Variants in RUSC2 observed in about 807,000 individuals in gnomAD.
The protein encoded by RUSC2 is RUN and SH3 domain containing 2, also known as AP-4 complex accessory subunit RUSC2.
A neutral mutation model predicts 122.2 loss-of-function variants in RUSC2; 34 were observed. That is an observed-to-expected ratio of 0.28 (90% CI 0.21 to 0.37). The LOEUF (loss-of-function observed/expected upper bound fraction) is 0.37, where lower values mean the gene tolerates loss of function less well. Among genes scored for constraint, RUSC2 ranks in the 10% least tolerant of loss-of-function variants. RUSC2 has a pLI of 1.00. For missense variants in RUSC2, 1,747 were observed against 1,952.4 expected (o/e 0.89, Z 1.98); for synonymous variants, 784 against 790.0 (o/e 0.99, Z 0.13).
In RUSC2 at chr9:35,546,900, A is replaced by C; in HGVS notation, c.379A>C (p.Thr127Pro). The C allele has an allele frequency of 6.3e-7, 1 of 1,583,106 alleles. No individual in the cohort carries two copies. The highest frequency in any genetic ancestry group is 8.6e-7 in the Non-Finnish European group (1 of 1,164,676). Reference protein sequence around the residue: ...LYDDSIGDSATQQSFHLHGTG... With the variant: ...LYDDSIGDSAPQQSFHLHGTG... ...TGATGACAGCATTGGTGACAGTGCC[A>C]CCCAGCAGTCCTTCCACCTGCATGG... The change falls in exon 2 of 12, where the codon ACC becomes CCC. Residue 127 changes from threonine (T) to proline (P), a missense_variant. Physicochemically the swap from Thr to Pro is conservative, Grantham distance 38 (BLOSUM62 -1). Transcript: ENST00000361226. The surrounding 1 kb of genome is among the most constrained non-coding windows in gnomAD (Gnocchi z 4.3).
At chr9:35,498,466 G>A (rs1480276042) in intron 1 of RUSC2, among the ~76,000 whole-genome samples, 2 of 152,060 alleles carry the variant, frequency 1.3e-5, no homozygotes, top group African/African-American at 4.8e-5. Context: ...TTGACCCCGG[G>A]AGGCAGAGGT....
rs767902848 is a variant in RUSC2 at position 35,555,011 on chromosome 9, T to C, written c.2015-49T>C. On this transcript the variant is annotated intron_variant, in intron 2 of 11. Transcript: ENST00000361226. The surrounding 1 kb of genome is among the most constrained non-coding windows in gnomAD (Gnocchi z 4.6). The stretch of plus-strand genomic sequence containing the variant: ...CTCTGCTTCTGGGTTTTCTCTCATA[T>C]GGGTTTCAGTGTCTGTCTACTGATT... 1.3e-6 allele frequency: 2 copies of C among 1,598,958 alleles called. No homozygotes were observed. The highest frequency in any genetic ancestry group is 1.3e-5 in the African/African-American group (1 of 74,516).
chr9:35,509,922 A>G (rs1820983010), intron 1 of RUSC2, among the ~76,000 whole-genome samples: 1 of 152,216 alleles, frequency 6.6e-6, no homozygotes, highest in South Asian at 2.1e-4. Context: ...CAGCTGCTAC[A>G]GAATTAGTCC....
chr9:35,530,446 T>C (rs1012723866), intron 1 of RUSC2, among the ~76,000 whole-genome samples: 2 of 152,082 alleles, frequency 1.3e-5, no homozygotes, highest in Admixed American at 1.3e-4. Context: ...AGGAGAAGGA[T>C]TTCCATGATA....
intron 9 of RUSC2, among the ~76,000 whole-genome samples, chr9:35,559,591 C>T (rs1011283700): frequency 1.6e-4 from 24 of 152,228 alleles, no homozygotes; most frequent in African/African-American, 5.1e-4. Flanking sequence ...AAAAATTAGC[C>T]GGCTGTGGTG....
At chr9:35,534,217 A>G (rs929028604) in intron 1 of RUSC2, among the ~76,000 whole-genome samples, 1 of 152,138 alleles carries the variant, frequency 6.6e-6, no homozygotes, top group African/African-American at 2.4e-5. Context: ...AATGATGTTA[A>G]GCATTTGTTT....
Position 35,560,221 on chromosome 9 carries a change from T to C in RUSC2, c.3581T>C (p.Val1194Ala), listed in dbSNP as rs1229373128. The C allele has an allele frequency of 3.1e-6, 5 of 1,604,050 alleles. No individual in the cohort carries two copies. Among genetic ancestry groups the C allele is most frequent in the Non-Finnish European group, 4.2e-6 (5 of 1,179,088 alleles). Residue 1194 changes from valine to alanine, a missense_variant, in exon 10 of 12, where the codon GTG becomes GCG. Coordinates refer to ENST00000361226, the MANE Select transcript of RUSC2 (RefSeq NM_014806.5). ...QQRQHKELLR[V>A]SQDLLLSAHS... ...CGGCAGCACAAGGAACTGCTGCGGG[T>C]GTCCCAGGACCTGCTGCTGTCTGCC...
At chr9:35,551,605 A>G (rs1338846663) in intron 2 of RUSC2, among the ~76,000 whole-genome samples, 3 of 152,220 alleles carry the variant, frequency 2.0e-5, no homozygotes, top group Non-Finnish European at 4.4e-5. Flanking sequence ...TTTCTCTATC[A>G]GATTAAGACA....
At chr9:35,513,995 A>T (rs1256968334) in intron 1 of RUSC2, among the ~76,000 whole-genome samples, 3 of 149,294 alleles carry the variant, frequency 2.0e-5, no homozygotes, top group Admixed American at 6.7e-5. Context: ...ATAGAAATAG[A>T]CTAGAGAGTA....
chr9:35,517,400 C>T (rs1821128503), intron 1 of RUSC2, among the ~76,000 whole-genome samples: 1 of 152,124 alleles, frequency 6.6e-6, no homozygotes, highest in Non-Finnish European at 1.5e-5. Context: ...GAATACATCC[C>T]TCATTAATGT....
chr9:35,556,922 T>C (rs957784804), intron 5 of RUSC2, among the ~76,000 whole-genome samples: 1 of 152,184 alleles, frequency 6.6e-6, no homozygotes, highest in Non-Finnish European at 1.5e-5. Context: ...CTGTGTATCA[T>C]GAGTGCATGT....
At chr9:35,495,388 G>A (rs1397063522) in intron 1 of RUSC2, among the ~76,000 whole-genome samples, 2 of 148,512 alleles carry the variant, frequency 1.3e-5, no homozygotes, top group East Asian at 3.9e-4. Context: ...TTTGCTTGTG[G>A]ATATCCAGTT....
rs2132550440 is a variant in RUSC2, at chr9:35,546,351, G to A, written c.-92-79G>A. 1 of 420,702 alleles carries A rather than the reference G, an allele frequency of 2.4e-6. No homozygotes were observed. The highest frequency in any genetic ancestry group is 4.4e-5 in the Admixed American group (1 of 22,984). The allele number at this position is 420,702 out of a possible 1,614,324, so 26.1% of individuals were successfully genotyped here. A position where few individuals can be genotyped will look rare whatever the true frequency, so the allele number is the denominator to read the frequency against. ...TCTCTTCCTGGGCTCTTCTCCATCT[G>A]AAAATGATGTAGGGAAGGGCATGCC... On this transcript the variant is annotated intron_variant, in intron 1 of 11. Coordinates refer to ENST00000361226, the MANE Select transcript of RUSC2 (RefSeq NM_014806.5). The surrounding 1 kb of genome is among the most constrained non-coding windows in gnomAD (Gnocchi z 4.3).
At chr9:35,507,511 T>A (rs1201419831) in intron 1 of RUSC2, 1 of 170,480 alleles carries the variant, frequency 5.9e-6, no homozygotes, top group South Asian at 1.4e-4. Context: ...CAGGCCAGCA[T>A]ATTTAGCATC....
intron 1 of RUSC2, among the ~76,000 whole-genome samples, chr9:35,524,991 G>A (rs1159464894): frequency 6.6e-6 from 1 of 151,808 alleles, no homozygotes; most frequent in East Asian, 1.9e-4. Context: ...AAAAACTCTG[G>A]TAATCCCTTG....
At chr9:35,554,110 G>T (rs1039018594) in intron 2 of RUSC2, among the ~76,000 whole-genome samples, 11 of 152,186 alleles carry the variant, frequency 7.2e-5, no homozygotes, top group African/African-American at 2.7e-4. Flanking sequence ...TTTCACCAGG[G>T]CTTTAGGCCG....
At chr9:35,533,152 C>A (rs1821454593) in intron 1 of RUSC2, among the ~76,000 whole-genome samples, 1 of 151,734 alleles carries the variant, frequency 6.6e-6, no homozygotes, top group African/African-American at 2.4e-5. Context: ...GAGGCTGAGG[C>A]ACGAGAATCG....
In RUSC2 at chr9:35,557,111, A is replaced by G. The variant is rs148144446; in HGVS notation, c.2983+663A>G. Among the ~76,000 whole-genome samples the G allele has an allele frequency of 6.6e-6, 1 of 152,284 alleles. No homozygotes were observed. The highest frequency in any genetic ancestry group is 1.5e-5 in the Non-Finnish European group (1 of 68,026). ...TTGGGTAAGAGTGTTGGTGACATCT[A>G]GTAAGATGAAGATTGACAAGACCCA... On this transcript the variant is annotated intron_variant, in intron 5 of 11. Transcript: ENST00000361226. This position sits in a 1 kb window ranked among gnomAD's most constrained non-coding sequence, Gnocchi z 4.6.
rs746237986 is a variant in RUSC2, at chr9:35,555,705, C to T, written c.2656+4C>T. Reference sequence around the variant, plus strand: ...ATGGCCACCAGGCCCAGTAATGGTACGAGCTCCAGCATCTCCCTACCCAAC... The same window carrying T: ...ATGGCCACCAGGCCCAGTAATGGTATGAGCTCCAGCATCTCCCTACCCAAC... On this transcript the variant is annotated splice_donor_region_variant and intron_variant, in intron 3 of 11. Transcript: ENST00000361226. The surrounding 1 kb of genome is among the most constrained non-coding windows in gnomAD (Gnocchi z 4.6). 1.0e-4 allele frequency: 165 copies of T among 1,578,634 alleles called. 1 individual carries two copies. The Admixed American group carries it at 2.5e-3, about 24-fold the overall frequency.
Sources: gnomAD v4.1 joint callset for allele counts (sites outside exome capture counted in the v4.1 genomes callset) on GRCh38, gnomAD v4.1.1 for gene constraint, Gnocchi (gnomAD v3.1) non-coding constraint, MANE v1.5 for transcripts, NCBI Gene and HGNC (gene_info 2026-07-23, HGNC 2026-07-21) for gene names.